TIAM2: variants seen among roughly 807,000 people sequenced by gnomAD.
The protein encoded by TIAM2 is rho guanine nucleotide exchange factor TIAM2.
Under a neutral mutation model 152.9 loss-of-function variants are expected in TIAM2, and 80 were observed. The observed-to-expected ratio is 0.52, with a 90% CI of 0.44 to 0.63. The LOEUF is 0.63. Among genes scored for constraint, TIAM2 ranks in the 30% least tolerant of loss-of-function variants. The pLI is 0.00. For synonymous variants in TIAM2, 804 were observed against 838.0 expected (o/e 0.96, Z 0.70); for missense variants, 1,965 against 2,120.1 (o/e 0.93, Z 1.44).
rs866145407 is a variant in TIAM2, at chr6:155,245,586, A to G, written c.3544-37A>G. 1.9e-6 allele frequency: 3 copies of G among 1,547,456 alleles called. No individual in the cohort carries two copies. The African/African-American group carries it at 4.1e-5, about 21-fold the overall frequency. On this transcript the variant is annotated intron_variant, in intron 18 of 26. Coordinates refer to ENST00000682666, the MANE Select transcript of TIAM2 (RefSeq NM_012454.4). ...CCATAAGCCAGCACGCATTGATTAA[A>G]CCATGTCTGATTTGACTTTCCCCTC...
chr6:155,089,305 C>T (rs1420862644), intron 1 of TIAM2, among the ~76,000 whole-genome samples: 6 of 152,084 alleles, frequency 3.9e-5, no homozygotes, highest in Admixed American at 3.9e-4. Context: ...GCAACCTCTG[C>T]CTCCAATTCT....
chr6:155,028,643 A>G (rs1248404704), intron 1 of TIAM2, among the ~76,000 whole-genome samples: 2 of 134,860 alleles, frequency 1.5e-5, no homozygotes, highest in Non-Finnish European at 3.1e-5. Flanking sequence ...TGTGTTATAT[A>G]TATACTACAT....
At chr6:155,065,832 C>CT (rs1375486300) in intron 1 of TIAM2, among the ~76,000 whole-genome samples, 5 of 152,140 alleles carry the variant, frequency 3.3e-5, no homozygotes, top group Non-Finnish European at 7.4e-5. Flanking sequence ...GAAACTGCTC[C>CT]TTTTCAGCAT....
At chr6:155,178,566 G>GTATT (rs200721004) in intron 10 of TIAM2, among the ~76,000 whole-genome samples, 2,739 of 151,884 alleles carry the variant, frequency 0.018, 32 homozygotes, top group East Asian at 0.031. Context: ...TTGCATACAA[G>GTATT]TATTTATTTA....
chr6:155,242,006 C>T (rs1048857269), intron 16 of TIAM2, among the ~76,000 whole-genome samples: 1 of 152,300 alleles, frequency 6.6e-6, no homozygotes, highest in South Asian at 2.1e-4. Context: ...TGTTAGGCCA[C>T]GCTGTACTGG....
At chr6:155,092,112 T>G (rs1778320241) in intron 2 of TIAM2, among the ~76,000 whole-genome samples, 1 of 151,518 alleles carries the variant, frequency 6.6e-6, no homozygotes, top group African/African-American at 2.4e-5. Context: ...TTGCTCAGGC[T>G]GGTCTCAATC....
chr6:155,201,427 G>T (rs1781469234), intron 14 of TIAM2, among the ~76,000 whole-genome samples: 1 of 152,168 alleles, frequency 6.6e-6, no homozygotes, highest in African/African-American at 2.4e-5. Flanking sequence ...AAGTAAGTGT[G>T]GCATTGGGGT....
intron 13 of TIAM2, among the ~76,000 whole-genome samples, chr6:155,182,788 G>A (rs1780940436): frequency 6.6e-6 from 1 of 152,076 alleles, no homozygotes; most frequent in South Asian, 2.1e-4. Flanking sequence ...AAAAAACAAC[G>A]AATGAGTGGT....
intron 6 of TIAM2, among the ~76,000 whole-genome samples, chr6:155,147,716 C>T (rs1455559550): frequency 6.6e-6 from 1 of 152,204 alleles, no homozygotes; most frequent in African/African-American, 2.4e-5. Flanking sequence ...AACTCCTGAC[C>T]TCAGGTGATC....
intron 2 of TIAM2, among the ~76,000 whole-genome samples, chr6:155,091,510 G>T (rs750188789): frequency 1.4e-4 from 21 of 152,130 alleles, no homozygotes; most frequent in Non-Finnish European, 2.8e-4. Flanking sequence ...TATTTAAAAG[G>T]TTTGTCTGTT....
intron 1 of TIAM2, among the ~76,000 whole-genome samples, chr6:155,080,659 T>C (rs1015261393): frequency 1.3e-5 from 2 of 151,992 alleles, no homozygotes; most frequent in East Asian, 3.9e-4. Flanking sequence ...GGTCTCGAAC[T>C]CCTGACCTCA....
At chr6:155,057,342 TCAATTTTCTGATTGAAC>T (rs990892794) in intron 1 of TIAM2, among the ~76,000 whole-genome samples, 1 of 151,950 alleles carries the variant, frequency 6.6e-6, no homozygotes, top group Non-Finnish European at 1.5e-5. Context: ...GCTGGCCACC[TCAATTTTCTGATTGAAC>T]TGGGCTAATA....
At position 155,254,080 on chromosome 6, in the gene TIAM2, A is replaced by G; in HGVS notation, c.4313+20A>G. The G allele has an allele frequency of 6.2e-7, 1 of 1,604,352 alleles. No individual in the cohort carries two copies. Among genetic ancestry groups the G allele is most frequent in the Non-Finnish European group, 8.5e-7 (1 of 1,173,608 alleles). On this transcript the variant is annotated intron_variant, in intron 25 of 26. Coordinates refer to ENST00000682666, the MANE Select transcript of TIAM2 (RefSeq NM_012454.4). Reference sequence around the variant, plus strand: ...TTGCAGGTATGACTGACTTCCAAAGATTAAAACCAACAGAAATAACATAGA... The same window carrying G: ...TTGCAGGTATGACTGACTTCCAAAGGTTAAAACCAACAGAAATAACATAGA...
chr6:155,017,899 C>T (rs1051015670), intron 1 of TIAM2, among the ~76,000 whole-genome samples: 39 of 152,112 alleles, frequency 2.6e-4, no homozygotes, highest in African/African-American at 7.0e-4. Flanking sequence ...CTGTAGCCAC[C>T]GGCCCCATGG....
At chr6:155,047,087 C>T (rs1777191313) in intron 1 of TIAM2, among the ~76,000 whole-genome samples, 1 of 152,166 alleles carries the variant, frequency 6.6e-6, no homozygotes, top group African/African-American at 2.4e-5. Flanking sequence ...TTAATCCCGC[C>T]TATGTAGTGT....
rs1479961122 is a variant in TIAM2 at position 155,251,965 on chromosome 6, C to T, written c.4081C>T (p.Leu1361=). The change falls in exon 23 of 27, where the codon CTG becomes TTG. Residue 1361 remains leucine (L), a synonymous_variant. Coordinates refer to ENST00000682666, the MANE Select transcript of TIAM2 (RefSeq NM_012454.4). ...TTTAGTTTTTAAGAGAGCCGTCATA[C>T]TGGTTTATAAAGAAAACTGCAAACT... The part of the protein sequence containing the change: ...TVFVFKRAVI[L]VYKENCKLKK... The T allele has an allele frequency of 2.5e-6, 4 of 1,604,040 alleles. No individual in the cohort carries two copies. The highest frequency in any genetic ancestry group is 4.5e-5 in the East Asian group (2 of 44,838).
intron 7 of TIAM2, among the ~76,000 whole-genome samples, chr6:155,153,208 A>G (rs1780016180): frequency 6.6e-6 from 1 of 151,642 alleles, no homozygotes; most frequent in African/African-American, 2.4e-5. Context: ...TGTCCTCCCC[A>G]CACTCCCTTC....
At chr6:155,059,329 C>CGCGTGTGAGT (rs141796855) in intron 1 of TIAM2, among the ~76,000 whole-genome samples, 1 of 149,290 alleles carries the variant, frequency 6.7e-6, no homozygotes, top group Non-Finnish European at 1.5e-5. Context: ...TGTGTGTGCG[C>CGCGTGTGAGT]GTGTATGTTT....
intron 13 of TIAM2, among the ~76,000 whole-genome samples, chr6:155,182,720 G>T (rs1780938088): frequency 6.6e-6 from 1 of 150,590 alleles, no homozygotes; most frequent in African/African-American, 2.5e-5. Context: ...GAAGGAGGAA[G>T]AGAGTGTGAG....
Sources: gnomAD v4.1 joint callset for allele counts (sites outside exome capture counted in the v4.1 genomes callset) on GRCh38, gnomAD v4.1.1 for gene constraint, MANE v1.5 for transcripts, NCBI Gene and HGNC (gene_info 2026-07-23, HGNC 2026-07-21) for gene names.